The following BACH2 variants were observed in gnomAD, a reference collection of about 807,000 sequenced individuals.
BACH2 encodes transcription regulator protein BACH2.
In BACH2, 5 loss-of-function variants were observed where a neutral mutation model predicts 61.8. The ratio of observed to expected loss-of-function variants is 0.08; its 90% CI spans 0.04 to 0.17. The LOEUF is 0.17. Ranked by LOEUF, BACH2 falls within the 10% of genes least tolerant of loss-of-function variation. The pLI is 1.00. For missense variants in BACH2, 824 were observed against 1,091.1 expected, an observed-to-expected ratio of 0.76 and a Z score of 3.45; for synonymous variants, 446 against 440.1, an observed-to-expected ratio of 1.01 and a Z score of -0.17.
intron 5 of BACH2, among the ~76,000 whole-genome samples, chr6:90,072,313 C>T (rs1292716743): frequency 1.3e-5 from 2 of 152,086 alleles, no homozygotes; most frequent in Non-Finnish European, 2.9e-5. Context: ...AAATGGTACC[C>T]TAAGTATCAA....
At chr6:90,059,801 AATG>A (rs1176790749) in intron 5 of BACH2, among the ~76,000 whole-genome samples, 1 of 152,104 alleles carries the variant, frequency 6.6e-6, no homozygotes, top group Admixed American at 6.5e-5. Flanking sequence ...AGCCATAAAA[AATG>A]ATGAGTTCAT....
rs1216403228 is a variant in BACH2 at position 90,022,252 on chromosome 6, A to G, written c.-12-13396T>C. ...AAATTTCCAAAATATCTGGTAATAA[A>G]CTTGTGGCAACTACTAGCACTTTTC... On this transcript the variant is annotated intron_variant, in intron 5 of 8. Coordinates refer to ENST00000257749, the MANE Select transcript of BACH2 (RefSeq NM_021813.4). Among the ~76,000 whole-genome samples, 5 of 152,322 alleles carry G rather than the reference A, an allele frequency of 3.3e-5. No homozygotes were observed. In the East Asian group the frequency reaches 9.6e-4, roughly 29 times the overall value.
Position 89,950,985 on chromosome 6 carries a change from T to A in BACH2, c.1121A>T (p.Lys374Met). The change falls in exon 7 of 9, where the codon AAG becomes ATG. Residue 374 changes from lysine to methionine, a missense_variant. By Grantham distance (95) the Lys-to-Met change is moderately conservative. Around this residue, in one of 8 missense-constraint regions of BACH2, gnomAD observed 226 missense variants for 228.5 expected, o/e 0.99. Coordinates refer to ENST00000257749, the MANE Select transcript of BACH2 (RefSeq NM_021813.4). This position sits in a 1 kb window ranked among gnomAD's most constrained non-coding sequence, Gnocchi z 5.3. ...FARSPACPFD[K>M]GITQGDLKTD... Reference sequence around the variant, plus strand: ...TTTAAGGTCACCCTGAGTGATCCCCTTGTCAAAAGGGCAGGCTGGACTCCT... The same window carrying A: ...TTTAAGGTCACCCTGAGTGATCCCCATGTCAAAAGGGCAGGCTGGACTCCT... The A allele has an allele frequency of 1.3e-6, 2 of 1,578,634 alleles. No homozygotes were observed. The highest frequency in any genetic ancestry group is 1.7e-6 in the Non-Finnish European group (2 of 1,163,260).
intron 4 of BACH2, among the ~76,000 whole-genome samples, chr6:90,096,338 C>A (rs1782379894): frequency 6.6e-6 from 1 of 152,206 alleles, no homozygotes; most frequent in South Asian, 2.1e-4. Flanking sequence ...AGGTCTAGTT[C>A]AAATATGTCA....
intron 5 of BACH2, among the ~76,000 whole-genome samples, chr6:90,014,438 G>GTATA (rs1777911285): frequency 5.6e-4 from 41 of 73,150 alleles, no homozygotes; most frequent in African/African-American, 1.7e-3. Context: ...GTGTGTGTGT[G>GTATA]TGTATATATA....
At chr6:90,107,851 G>T (rs1204763075) in intron 4 of BACH2, among the ~76,000 whole-genome samples, 2 of 151,998 alleles carry the variant, frequency 1.3e-5, no homozygotes, top group African/African-American at 4.8e-5. Flanking sequence ...TTTTTATCAT[G>T]GAACTGTACA....
At chr6:90,155,583 A>G (rs1273361092) in intron 4 of BACH2, among the ~76,000 whole-genome samples, 1 of 152,186 alleles carries the variant, frequency 6.6e-6, no homozygotes, top group Non-Finnish European at 1.5e-5. Flanking sequence ...TCATCACAAC[A>G]TTCTGTAAAA....
chr6:90,145,863 C>A (rs1784599981), intron 4 of BACH2, among the ~76,000 whole-genome samples: 1 of 152,170 alleles, frequency 6.6e-6, no homozygotes, highest in Admixed American at 6.5e-5. Flanking sequence ...GTGTAGAAGG[C>A]AGCTGGGGAG....
rs926577592 is a variant in BACH2 at position 90,116,935 on chromosome 6, A to G, written c.-161-27826T>C. 6.8e-6 allele frequency: 3 copies of G among 438,092 alleles called. No homozygotes were observed. In the Admixed American group the frequency reaches 9.7e-5, roughly 14 times the overall value. The allele number at this position is 438,092 out of a possible 1,614,324, so 27.1% of individuals were successfully genotyped here. Reference sequence around the variant, plus strand: ...CTGACCATTCCCTATGTCCAAGTACATGTGCAGCTTCAACTTCCCTCTGTG... The same window carrying G: ...CTGACCATTCCCTATGTCCAAGTACGTGTGCAGCTTCAACTTCCCTCTGTG... On this transcript the variant is annotated intron_variant, in intron 4 of 8. Coordinates refer to ENST00000257749, the MANE Select transcript of BACH2 (RefSeq NM_021813.4).
At chr6:90,236,546 G>A (rs1770265388) in intron 3 of BACH2, among the ~76,000 whole-genome samples, 2 of 152,196 alleles carry the variant, frequency 1.3e-5, no homozygotes, top group South Asian at 2.1e-4. Context: ...ATGCCATGAT[G>A]TTTAGTTTTG....
At chr6:90,207,474 T>G (rs1582485117) in intron 3 of BACH2, among the ~76,000 whole-genome samples, 1 of 152,134 alleles carries the variant, frequency 6.6e-6, no homozygotes, top group Non-Finnish European at 1.5e-5. Flanking sequence ...TTCAATTACT[T>G]AAATGGACTT....
At chr6:90,021,721 CACTT>C (rs1353568544) in intron 5 of BACH2, among the ~76,000 whole-genome samples, 1 of 152,158 alleles carries the variant, frequency 6.6e-6, no homozygotes, top group Non-Finnish European at 1.5e-5. Context: ...GGATTGGAAA[CACTT>C]TCTAATGCAT....
At chr6:90,065,270 C>CCTTTTTTTTTTTTTTTT (rs1780894736) in intron 5 of BACH2, among the ~76,000 whole-genome samples, 1 of 52,648 alleles carries the variant, frequency 1.9e-5, no homozygotes, top group Non-Finnish European at 3.4e-5. Context: ...GCCGCCCCCA[C>CCTTTTTTTTTTTTTTTT]TTTTTTTTTT....
intron 6 of BACH2, among the ~76,000 whole-genome samples, chr6:89,985,436 T>A (rs1032477007): frequency 3.9e-5 from 6 of 151,988 alleles, no homozygotes; most frequent in Non-Finnish European, 7.4e-5. Context: ...CCAGATGCTG[T>A]GGGGAGGTGG....
chr6:90,251,270 C>T (rs894621808), intron 3 of BACH2, among the ~76,000 whole-genome samples: 25 of 151,924 alleles, frequency 1.6e-4, no homozygotes, highest in African/African-American at 5.8e-4. Context: ...CTCTGTAAGC[C>T]ATAATATTCT....
chr6:90,025,147 G>A (rs1231183427), intron 5 of BACH2, among the ~76,000 whole-genome samples: 1 of 152,214 alleles, frequency 6.6e-6, no homozygotes, highest in Non-Finnish European at 1.5e-5. Context: ...GGCCATCCAA[G>A]GGGCATGATT....
intron 3 of BACH2, among the ~76,000 whole-genome samples, chr6:90,208,969 C>T (rs1208873562): frequency 1.3e-5 from 2 of 149,772 alleles, no homozygotes; most frequent in South Asian, 2.1e-4. Context: ...AACTAAACAC[C>T]GCATGTTCTT....
chr6:90,093,978 TA>T (rs552320697), intron 4 of BACH2, among the ~76,000 whole-genome samples: 203 of 152,330 alleles, frequency 1.3e-3, no homozygotes, highest in African/African-American at 4.6e-3. Context: ...TAAAAAGAGG[TA>T]TCTGAATGGT....
chr6:89,951,895 C>A lies in BACH2; in HGVS notation c.244-33G>T. The A allele has an allele frequency of 6.3e-7, 1 of 1,593,972 alleles. No individual in the cohort carries two copies. The highest frequency in any genetic ancestry group is 8.6e-7 in the Non-Finnish European group (1 of 1,167,700). On this transcript the variant is annotated intron_variant, in intron 6 of 8. Coordinates refer to ENST00000257749, the MANE Select transcript of BACH2 (RefSeq NM_021813.4). This position sits in a 1 kb window ranked among gnomAD's most constrained non-coding sequence, Gnocchi z 6.4. ...ACAAACAGGGAAATCGCCAACATTACCATCAGCACTGCTATTGTCCCGAAT... is the reference window on the plus strand; with the variant it reads ...ACAAACAGGGAAATCGCCAACATTAACATCAGCACTGCTATTGTCCCGAAT...
Sources: gnomAD v4.1 joint callset for allele counts (sites outside exome capture counted in the v4.1 genomes callset) on GRCh38, gnomAD v4.1.1 for gene constraint, gnomAD v4.1.1 regional missense constraint, Gnocchi (gnomAD v3.1) non-coding constraint, MANE v1.5 for transcripts, NCBI Gene and HGNC (gene_info 2026-07-23, HGNC 2026-07-21) for gene names.